Variants in FRMPD4 observed in about 807,000 individuals in gnomAD.
FRMPD4 encodes the protein FERM and PDZ domain containing 4, also known as FERM and PDZ domain-containing protein 4.
In FRMPD4, 22 loss-of-function variants were observed where a neutral mutation model predicts 94.1. That is an observed-to-expected ratio of 0.23 (90% CI 0.17 to 0.33). The LOEUF is 0.33. FRMPD4 is among the 10% of genes least tolerant of loss of function. FRMPD4 has a pLI of 1.00. For synonymous variants in FRMPD4, 631 were observed against 548.6 expected (o/e 1.15, Z -2.10); for missense variants, 1,111 against 1,339.9 (o/e 0.83, Z 2.67).
chrX:12,007,380 A>G (rs947376337), intron 3 of FRMPD4, among the ~76,000 whole-genome samples: 1 of 112,251 alleles, frequency 8.9e-6, no homozygotes, highest in Non-Finnish European at 1.9e-5. Flanking sequence ...GTTATTTCAA[A>G]CTGCTAAGTT....
At chrX:12,062,180 G>C (rs139199530) in intron 3 of FRMPD4, among the ~76,000 whole-genome samples, 328 of 111,780 alleles carry the variant, frequency 2.9e-3, no homozygotes, top group African/African-American at 0.01. Context: ...AATGCTCATG[G>C]ACTAAACTTT....
chrX:12,380,405 AT>A (rs1040249826), intron 1 of FRMPD4, among the ~76,000 whole-genome samples: 1 of 112,329 alleles, frequency 8.9e-6, no homozygotes, highest in Non-Finnish European at 1.9e-5. Context: ...CCTCATTTTC[AT>A]TTGAAATTGA....
chrX:12,692,944 G>A (rs913814157), intron 8 of FRMPD4, among the ~76,000 whole-genome samples: 7 of 111,585 alleles, frequency 6.3e-5, no homozygotes, highest in African/African-American at 2.3e-4. Context: ...CTCAGCCAGT[G>A]ATAAGTAGCC....
intron 1 of FRMPD4, among the ~76,000 whole-genome samples, chrX:11,845,544 C>T (rs1322316290): frequency 5.5e-5 from 6 of 108,113 alleles, no homozygotes; most frequent in Admixed American, 1.0e-4. Flanking sequence ...CCAGCATCAT[C>T]CTGATACCAA....
chrX:12,184,209 T>G (rs979533844), intron 1 of FRMPD4, among the ~76,000 whole-genome samples: 1 of 111,224 alleles, frequency 9.0e-6, no homozygotes, highest in South Asian at 3.8e-4. Flanking sequence ...AATTTCCTAC[T>G]GCTTTAGAGA....
intron 1 of FRMPD4, among the ~76,000 whole-genome samples, chrX:12,349,399 C>T (rs1328033340): frequency 9.1e-6 from 1 of 109,870 alleles, no homozygotes; most frequent in Non-Finnish European, 1.9e-5. Flanking sequence ...GCGAGGGGGT[C>T]GGTTAGTAAG....
At chrX:11,846,059 G>A (rs1238564217) in intron 1 of FRMPD4, among the ~76,000 whole-genome samples, 17 of 104,299 alleles carry the variant, frequency 1.6e-4, no homozygotes, top group African/African-American at 5.6e-4. Flanking sequence ...GAAATAAAGG[G>A]TATTCAATTA....
intron 4 of FRMPD4, among the ~76,000 whole-genome samples, chrX:12,666,101 CAA>C (rs59803800): frequency 3.7e-4 from 33 of 88,946 alleles, no homozygotes; most frequent in Non-Finnish European, 4.9e-4. Context: ...AAATGGAAAG[CAA>C]AAAAAAAAAA....
chrX:12,203,991 T>A (rs942389895), intron 1 of FRMPD4, among the ~76,000 whole-genome samples: 1 of 112,657 alleles, frequency 8.9e-6, no homozygotes, highest in Non-Finnish European at 1.9e-5. Flanking sequence ...TTGGTTTTGT[T>A]GATCTTTTGT....
chrX:12,659,980 T>C (rs1026571676), intron 4 of FRMPD4, among the ~76,000 whole-genome samples: 1 of 111,984 alleles, frequency 8.9e-6, no homozygotes, highest in African/African-American at 3.2e-5. Context: ...GTTTACAAAA[T>C]ACAATAAAAT....
At chrX:12,121,988 G>T (rs1413560264) in intron 3 of FRMPD4, among the ~76,000 whole-genome samples, 1 of 111,662 alleles carries the variant, frequency 9.0e-6, no homozygotes, top group African/African-American at 3.3e-5. Context: ...GACATTGGTG[G>T]GGGCAATTTT....
At chrX:12,341,418 C>T (rs1257527510) in intron 1 of FRMPD4, among the ~76,000 whole-genome samples, 1 of 111,436 alleles carries the variant, frequency 9.0e-6, no homozygotes, top group Non-Finnish European at 1.9e-5. Context: ...TTCATGGGCA[C>T]TTTTGCATCT....
intron 3 of FRMPD4, among the ~76,000 whole-genome samples, chrX:11,981,288 TAA>T (rs972227426): frequency 1.8e-5 from 2 of 112,038 alleles, no homozygotes; most frequent in Admixed American, 1.9e-4. Context: ...TATCAATAAT[TAA>T]GAGAGGTAAT....
intron 4 of FRMPD4, among the ~76,000 whole-genome samples, chrX:12,634,959 G>A (rs1355839028): frequency 2.8e-5 from 3 of 106,323 alleles, no homozygotes; most frequent in African/African-American, 6.9e-5. Context: ...TCAGCCTCCC[G>A]AGTAGCTGGG....
At chrX:11,849,002 A>T (rs1343239442) in intron 1 of FRMPD4, among the ~76,000 whole-genome samples, 1 of 111,481 alleles carries the variant, frequency 9.0e-6, no homozygotes, top group Non-Finnish European at 1.9e-5. Flanking sequence ...AAATTGGAAG[A>T]CAAGAAGGAA....
At chrX:12,541,784 C>G (rs1231915938) in intron 2 of FRMPD4, among the ~76,000 whole-genome samples, 1 of 111,289 alleles carries the variant, frequency 9.0e-6, no homozygotes, top group Non-Finnish European at 1.9e-5. Flanking sequence ...AGAGACACAA[C>G]AAAAAAAGAG....
chrX:11,904,424 ATC>A (rs1569122311), intron 3 of FRMPD4, among the ~76,000 whole-genome samples: 3 of 112,124 alleles, frequency 2.7e-5, no homozygotes, highest in Admixed American at 9.4e-5. Context: ...TTTATCCTTG[ATC>A]CTCTTAGATG....
chrX:12,531,472 T>C (rs1343531901), intron 2 of FRMPD4, among the ~76,000 whole-genome samples: 1 of 112,022 alleles, frequency 8.9e-6, no homozygotes, highest in Non-Finnish European at 1.9e-5. Context: ...AGGCAGTGCT[T>C]CTCAAACTTT....
At chrX:11,823,464 C>T (rs2053423493) in intron 1 of FRMPD4, among the ~76,000 whole-genome samples, 2 of 110,908 alleles carry the variant, frequency 1.8e-5, no homozygotes, top group African/African-American at 3.3e-5. Context: ...ATTCAAAGAT[C>T]ACACTGCCAG....
Sources: allele counts gnomAD v4.1 joint callset (sites outside exome capture counted in the v4.1 genomes callset), GRCh38; gene constraint gnomAD v4.1.1; transcripts MANE v1.5; gene names NCBI Gene and HGNC (gene_info 2026-07-23, HGNC 2026-07-21).